The following ACCSL variants were observed in gnomAD, a reference collection of about 807,000 sequenced individuals.
ACCSL encodes the protein 1-aminocyclopropane-1-carboxylate synthase homolog (inactive) like, also known as probable inactive 1-aminocyclopropane-1-carboxylate synthase-like protein 2.
ACCSL carries 55 observed loss-of-function variants against 61.7 expected under a neutral mutation model. The ratio of observed to expected loss-of-function variants is 0.89; its 90% CI spans 0.72 to 1.12. ACCSL has a LOEUF of 1.12. Among genes scored for constraint, ACCSL ranks in the 50% most tolerant of loss-of-function variants. The probability of loss-of-function intolerance (pLI) is 0.00; values close to 1 mark genes in which losing one functional copy is unlikely to be tolerated. For synonymous variants in ACCSL, 258 were observed against 264.3 expected (o/e 0.98, Z 0.23); for missense variants, 632 against 698.0 (o/e 0.91, Z 1.07).
chr11:43,963,617 C>A, the ACCSL span, among the ~76,000 whole-genome samples: 428 of 152,302 alleles, frequency 2.8e-3, 3 homozygotes, highest in African/African-American at 9.7e-3. Flanking sequence ...GTTGTGTTTT[C>A]TCTCAGGCAT....
chr11:44,005,512 C>A, the ACCSL span, among the ~76,000 whole-genome samples: 1 of 152,076 alleles, frequency 6.6e-6, no homozygotes, highest in South Asian at 2.1e-4. Context: ...CACAGTGAGG[C>A]AGCGCTGAGG....
the ACCSL span, among the ~76,000 whole-genome samples, chr11:43,936,237 G>C: frequency 1.3e-5 from 2 of 152,120 alleles, no homozygotes. Flanking sequence ...AGCGTTGCTC[G>C]GGCTGGCTTC....
intron 4 of ACCSL, 85 bp downstream of exon 4, chr11:44,051,489 GA>G: frequency 6.4e-7 from 1 of 1,570,986 alleles, no homozygotes; most frequent in Non-Finnish European, 8.8e-7. Flanking sequence ...GGGGTACAAG[GA>G]GAACCAGTGA....
the ACCSL span, chr11:43,942,461 T>G: frequency 1.9e-5 from 4 of 212,982 alleles, no homozygotes; most frequent in Non-Finnish European, 3.9e-5. Context: ...CGGAGCCGGT[T>G]GGCGGGGGGC....
the ACCSL span, among the ~76,000 whole-genome samples, chr11:44,001,775 C>CTGTGTGTGTGTG: frequency 9.4e-4 from 91 of 96,826 alleles, no homozygotes; most frequent in Admixed American, 5.0e-3. Context: ...GGTAAAGGGG[C>CTGTGTGTGTGTG]TGTGTGTGTG....
the ACCSL span, among the ~76,000 whole-genome samples, chr11:43,929,976 G>A: frequency 6.6e-6 from 1 of 152,180 alleles, no homozygotes; most frequent in Admixed American, 6.5e-5. Flanking sequence ...TGGAAGGGAG[G>A]GCAGAGAGGG....
the ACCSL span, among the ~76,000 whole-genome samples, chr11:44,016,670 A>C: frequency 6.6e-6 from 1 of 152,162 alleles, no homozygotes; most frequent in Non-Finnish European, 1.5e-5. Flanking sequence ...AGCCCTTTCC[A>C]ATACCCCAAA....
At chr11:43,984,662 T>C in the ACCSL span, among the ~76,000 whole-genome samples, 4 of 152,266 alleles carry the variant, frequency 2.6e-5, no homozygotes, top group Non-Finnish European at 4.4e-5. Flanking sequence ...CTTGCCAAGA[T>C]GTTCATTTCA....
At chr11:44,016,254 C>T in the ACCSL span, among the ~76,000 whole-genome samples, 1 of 152,164 alleles carries the variant, frequency 6.6e-6, no homozygotes, top group Admixed American at 6.5e-5. Flanking sequence ...TGCAGCATTT[C>T]TGGAGTGGAA....
chr11:43,972,204 G>T, the ACCSL span, among the ~76,000 whole-genome samples: 2 of 152,146 alleles, frequency 1.3e-5, no homozygotes, highest in Admixed American at 1.3e-4. Context: ...AAGAATGAAG[G>T]TGCCATTGAT....
chr11:43,984,104 G>A, the ACCSL span, among the ~76,000 whole-genome samples: 7 of 151,708 alleles, frequency 4.6e-5, no homozygotes, highest in Non-Finnish European at 1.0e-4. Context: ...GTGACAGAGC[G>A]AGACTCCATA....
the ACCSL span, among the ~76,000 whole-genome samples, chr11:44,013,938 C>A: frequency 5.3e-5 from 8 of 152,160 alleles, no homozygotes; most frequent in Admixed American, 4.6e-4. Flanking sequence ...GCTCTGAACT[C>A]ATTTCTGTTG....
the ACCSL span, among the ~76,000 whole-genome samples, chr11:43,987,143 G>A: frequency 1.3e-5 from 2 of 152,102 alleles, no homozygotes; most frequent in African/African-American, 2.4e-5. Context: ...TGTCACTGTT[G>A]TAGGGACACG....
At chr11:44,024,605 G>A in the ACCSL span, among the ~76,000 whole-genome samples, 82,925 of 151,768 alleles carry the variant, frequency 0.55, 22,972 homozygotes, top group Admixed American at 0.6. Context: ...TTATGGGCTG[G>A]CATATGGTCT....
At chr11:43,988,226 G>A in the ACCSL span, among the ~76,000 whole-genome samples, 8 of 152,234 alleles carry the variant, frequency 5.3e-5, no homozygotes, top group South Asian at 4.2e-4. Flanking sequence ...CTGTTCCCCC[G>A]CTAGGGGGAA....
chr11:44,048,579 G>A, intron 1 of ACCSL, 39 bp downstream of exon 1: 1 of 1,458,124 alleles, frequency 6.9e-7, no homozygotes, highest in South Asian at 1.2e-5. Flanking sequence ...CATCCTCACG[G>A]GCTCCAGTCA....
chr11:44,040,883 G>C, the ACCSL span, among the ~76,000 whole-genome samples: 8 of 152,176 alleles, frequency 5.3e-5, no homozygotes, highest in Non-Finnish European at 1.2e-4. Flanking sequence ...AAGGAGGAAT[G>C]TTTATAAGGG....
the ACCSL span, among the ~76,000 whole-genome samples, chr11:43,994,377 G>C: frequency 0.28 from 42,815 of 152,160 alleles, 6,590 homozygotes; most frequent in South Asian, 0.36. Context: ...TCTGCAAATG[G>C]AAGCCAGCCT....
the ACCSL span, chr11:43,973,909 G>A: frequency 6.6e-6 from 1 of 152,134 alleles, no homozygotes; most frequent in Non-Finnish European, 1.5e-5. Context: ...ATTATAACAT[G>A]AGGAATTTGG....
Sources: allele counts gnomAD v4.1 joint callset (sites outside exome capture counted in the v4.1 genomes callset), GRCh38; gene constraint gnomAD v4.1.1; transcripts MANE v1.5; gene names NCBI Gene and HGNC (gene_info 2026-07-23, HGNC 2026-07-21).